Variants in E2F3 observed in about 807,000 individuals in gnomAD.
The protein encoded by E2F3 is transcription factor E2F3.
In E2F3, 11 loss-of-function variants were observed where a neutral mutation model predicts 44.4. That is an observed-to-expected ratio of 0.25 (90% CI 0.16 to 0.41). The LOEUF is 0.41. E2F3 is among the 10% of genes least tolerant of loss of function. E2F3 has a pLI of 1.00. For missense variants in E2F3, 487 were observed against 583.6 expected (o/e 0.83, Z 1.70); for synonymous variants, 249 against 253.0 (o/e 0.98, Z 0.15).
intron 1 of E2F3, among the ~76,000 whole-genome samples, chr6:20,430,255 G>A (rs1394151374): frequency 6.6e-6 from 1 of 152,082 alleles, no homozygotes; most frequent in Non-Finnish European, 1.5e-5. Context: ...TTTTAAATTT[G>A]TTGTTTGTTT....
Position 20,402,734 on chromosome 6 carries a change from T to C in E2F3, c.393+109T>C. ...CTCGGGGAGAGCACTGGGCCGAGCA[T>C]CGTGGGCCTCGGGGGCTGCCCCTCC... On this transcript the variant is annotated intron_variant, in intron 1 of 6. Coordinates refer to ENST00000346618, the MANE Select transcript of E2F3 (RefSeq NM_001949.5). The surrounding 1 kb of genome is among the most constrained non-coding windows in gnomAD (Gnocchi z 5.6). 8.0e-7 allele frequency: 1 copy of C among 1,251,046 alleles called. No individual in the cohort carries two copies. Among genetic ancestry groups the C allele is most frequent in the Non-Finnish European group, 1.0e-6 (1 of 999,566 alleles). 77.5% of individuals were successfully genotyped at this position (1,251,046 alleles called of 1,614,324 possible).
rs9358338 is a variant in E2F3, at chr6:20,487,960, A to G, written c.1000-153A>G. Among the ~76,000 whole-genome samples the G allele has an allele frequency of 5.2e-4, 79 of 152,360 alleles. No homozygotes were observed. The East Asian group carries it at 0.011, about 21-fold the overall frequency. ...GCTGTGGTTTGCTGACCCCTGCTCT[A>G]GAGGATGACAGTCTTTCATAGAGTT... is the stretch of plus-strand genomic sequence containing the variant. On this transcript the variant is annotated intron_variant, in intron 5 of 6. Transcript: ENST00000346618.
intron 1 of E2F3, among the ~76,000 whole-genome samples, chr6:20,434,923 T>G (rs1208507535): frequency 6.6e-6 from 1 of 151,918 alleles, no homozygotes; most frequent in Non-Finnish European, 1.5e-5. Flanking sequence ...GCCTAGAGGG[T>G]GACTGGCTGC....
At chr6:20,441,156 A>T (rs765278923) in intron 1 of E2F3, among the ~76,000 whole-genome samples, 6 of 151,866 alleles carry the variant, frequency 4.0e-5, no homozygotes, top group African/African-American at 7.3e-5. Flanking sequence ...TTGAACAATA[A>T]CTCCCCTCCC....
chr6:20,411,807 T>G (rs796246676), intron 1 of E2F3, among the ~76,000 whole-genome samples: 4 of 152,208 alleles, frequency 2.6e-5, no homozygotes, highest in Non-Finnish European at 4.4e-5. Flanking sequence ...GGTTACTGCT[T>G]CTTTCCTGTA....
chr6:20,490,354 A>C lies in E2F3; in HGVS notation c.1322A>C (p.Glu441Ala). Residue 441 changes from glutamate (E) to alanine (A), a missense_variant, in exon 7 of 7, where the codon GAG becomes GCG. Physicochemically the swap from Glu to Ala is moderately radical, Grantham distance 107. Around this residue, in one of 3 missense-constraint regions of E2F3, gnomAD observed 220 missense variants for 261.7 expected, o/e 0.84. Coordinates refer to ENST00000346618, the MANE Select transcript of E2F3 (RefSeq NM_001949.5). This position sits in a 1 kb window ranked among gnomAD's most constrained non-coding sequence, Gnocchi z 4.3. ...GACTATCTCCTGAGCCTCGGGGAGG[A>C]GGAAGGCATCAGCGATCTCTTCGAT... The part of the protein sequence containing the change: ...QEDYLLSLGE[E>A]EGISDLFDAY... 1 of 1,613,534 alleles carries C rather than the reference A, an allele frequency of 6.2e-7. No homozygotes were observed. The highest frequency in any genetic ancestry group is 8.5e-7 in the Non-Finnish European group (1 of 1,179,768).
chr6:20,481,459 AG>A (rs770741555), intron 3 of E2F3, 34 bp downstream of exon 3: 1 of 1,597,110 alleles, frequency 6.3e-7, no homozygotes, highest in Non-Finnish European at 8.6e-7. Context: ...CCCGGCTCTG[AG>A]GGGGTCGTTT....
At chr6:20,482,342 G>GT (rs71734781) in intron 3 of E2F3, among the ~76,000 whole-genome samples, 27,805 of 129,974 alleles carry the variant, frequency 0.21, 2,727 homozygotes, top group South Asian at 0.35. Flanking sequence ...TTGTTTTTTT[G>GT]TTTTTTTTTT....
chr6:20,448,601 A>G (rs1431349054), intron 1 of E2F3, among the ~76,000 whole-genome samples: 2 of 152,214 alleles, frequency 1.3e-5, no homozygotes, highest in Admixed American at 6.5e-5. Flanking sequence ...TCTTGTTTGT[A>G]TACTCCATGT....
intron 1 of E2F3, among the ~76,000 whole-genome samples, chr6:20,424,286 G>A (rs1174422824): frequency 7.4e-6 from 1 of 135,080 alleles, no homozygotes. Flanking sequence ...TAAACGAATA[G>A]CCAGTTAAAC....
intron 1 of E2F3, among the ~76,000 whole-genome samples, chr6:20,436,478 CAGAG>C (rs1253677474): frequency 7.4e-4 from 93 of 125,454 alleles, no homozygotes; most frequent in Admixed American, 2.1e-3. Context: ...CACACACACA[CAGAG>C]AGAGAGAGAG....
intron 1 of E2F3, among the ~76,000 whole-genome samples, chr6:20,435,675 C>T (rs368906194): frequency 3.9e-5 from 6 of 152,082 alleles, no homozygotes; most frequent in East Asian, 3.9e-4. Flanking sequence ...TGCTTGAATT[C>T]GGGAGGTGGA....
intron 1 of E2F3, among the ~76,000 whole-genome samples, chr6:20,468,645 G>T (rs1761792599): frequency 6.6e-6 from 1 of 152,180 alleles, no homozygotes; most frequent in Non-Finnish European, 1.5e-5. Flanking sequence ...TCTCCTTGGA[G>T]GTTTAGAGAT....
rs2127581241 is a variant in E2F3 at position 20,402,358 on chromosome 6, C to T, written c.126C>T (p.Pro42=). Residue 42 remains proline (P), a synonymous_variant, in exon 1 of 7, where the codon CCC becomes CCT. Transcript: ENST00000346618. The surrounding 1 kb of genome is among the most constrained non-coding windows in gnomAD (Gnocchi z 5.6). ...SMDKRALLAS[P]GFAAAAAAAA... ...ACAAAAGGGCACTGCTAGCCAGCCC[C>T]GGCTTCGCCGCCGCCGCCGCCGCTG... 3 of 1,608,910 alleles carry T rather than the reference C, an allele frequency of 1.9e-6. No homozygotes were observed. Among genetic ancestry groups the T allele is most frequent in the East Asian group, 2.2e-5 (1 of 44,662 alleles).
Position 20,435,700 on chromosome 6 carries a change from G to A in E2F3, c.393+33075G>A, listed in dbSNP as rs193113944. On this transcript the variant is annotated intron_variant, in intron 1 of 6. Coordinates refer to ENST00000346618, the MANE Select transcript of E2F3 (RefSeq NM_001949.5). The stretch of plus-strand genomic sequence containing the variant: ...CGGGAGGTGGAGGTTGCAGTGAGCC[G>A]AGATTGTGCCACTGCACTCCAGCCT... 1.4e-4 allele frequency among the ~76,000 whole-genome samples: 21 copies of A among 152,180 alleles called. 1 individual carries two copies. The East Asian group carries it at 1.9e-3, about 14-fold the overall frequency.
At chr6:20,472,559 C>T (rs1404690472) in intron 1 of E2F3, among the ~76,000 whole-genome samples, 1 of 151,986 alleles carries the variant, frequency 6.6e-6, no homozygotes, top group Admixed American at 6.6e-5. Flanking sequence ...TAGTGCTACT[C>T]AGGAGGCTGA....
chr6:20,401,882 C>A lies in E2F3; in HGVS notation c.-351C>A. The A allele has an allele frequency of 2.8e-6, 1 of 356,576 alleles. No individual in the cohort carries two copies. The highest frequency in any genetic ancestry group is 5.0e-6 in the Non-Finnish European group (1 of 200,138). 22.1% of individuals were successfully genotyped at this position (356,576 alleles called of 1,614,324 possible). A position where few individuals can be genotyped will look rare whatever the true frequency, so the allele number is the denominator to read the frequency against. ...GGCGCGTAAACCGTATCCCTTCATT[C>A]ATTGTCAGCAGCAGCTTCCTGGAGC... is the stretch of plus-strand genomic sequence containing the variant. On this transcript the variant is annotated 5_prime_UTR_variant, in exon 1 of 7. Coordinates refer to ENST00000346618, the MANE Select transcript of E2F3 (RefSeq NM_001949.5).
intron 1 of E2F3, among the ~76,000 whole-genome samples, chr6:20,405,648 C>A (rs1344094265): frequency 6.6e-6 from 1 of 152,084 alleles, no homozygotes; most frequent in East Asian, 1.9e-4. Context: ...CATGGTGAAA[C>A]CCCGTCTCTA....
rs1449229610 is a variant in E2F3, at chr6:20,492,527, C to T, written c.*2097C>T. On this transcript the variant is annotated 3_prime_UTR_variant, in exon 7 of 7. Coordinates refer to ENST00000346618, the MANE Select transcript of E2F3 (RefSeq NM_001949.5). ...TTATGCCAAGCTTTTCCCCATTTCC[C>T]ATATTTATCTCATCTGGTTAGCTGC... 8.6e-6 allele frequency: 2 copies of T among 233,206 alleles called. No homozygotes were observed. The highest frequency in any genetic ancestry group is 5.6e-5 in the Admixed American group (1 of 17,750). 14.4% of individuals were successfully genotyped at this position (233,206 alleles called of 1,614,324 possible).
Sources: allele counts gnomAD v4.1 joint callset (sites outside exome capture counted in the v4.1 genomes callset), GRCh38; gene constraint gnomAD v4.1.1; regional missense constraint gnomAD v4.1.1; non-coding constraint Gnocchi (gnomAD v3.1); transcripts MANE v1.5; gene names NCBI Gene and HGNC (gene_info 2026-07-23, HGNC 2026-07-21).